The following GUCY1A2 variants were observed in gnomAD, a reference collection of about 807,000 sequenced individuals.
GUCY1A2 encodes guanylate cyclase 1 soluble subunit alpha 2.
Under a neutral mutation model 63.5 loss-of-function variants are expected in GUCY1A2, and 27 were observed. The observed-to-expected ratio is 0.43, with a 90% CI of 0.31 to 0.59. The LOEUF (loss-of-function observed/expected upper bound fraction) is 0.59. GUCY1A2 is among the 20% of genes least tolerant of loss of function. The probability of loss-of-function intolerance (pLI) is 0.11; values close to 1 mark genes in which losing one functional copy is unlikely to be tolerated. For missense variants in GUCY1A2, 768 were observed against 913.3 expected (o/e 0.84, Z 2.05); for synonymous variants, 364 against 343.5 (o/e 1.06, Z -0.66).
At position 106,709,454 on chromosome 11, in the gene GUCY1A2, ATATT is replaced by A. The variant is rs1449790487; in HGVS notation, c.1837-792_1837-789del. ...AAGTATATATAATAATATATATTCT[ATATT>A]TATAGAATAATATATATTATTATAT... is the stretch of plus-strand genomic sequence containing the variant. On this transcript the variant is annotated intron_variant, in intron 6 of 7. Transcript: ENST00000526355. Among the ~76,000 whole-genome samples, 149 of 97,128 alleles carry A rather than the reference ATATT, an allele frequency of 1.5e-3. 2 individuals carry two copies. Among genetic ancestry groups the A allele is most frequent in the African/African-American group, 5.6e-3 (130 of 23,256 alleles). 63.7% of individuals were successfully genotyped at this position (97,128 alleles called of 152,430 possible). A position where few individuals can be genotyped will look rare whatever the true frequency, so the allele number is the denominator to read the frequency against.
chr11:106,830,225 T>C (rs1003554523), intron 4 of GUCY1A2, among the ~76,000 whole-genome samples: 7 of 152,212 alleles, frequency 4.6e-5, no homozygotes, highest in African/African-American at 1.7e-4. Context: ...GGGTTGGGGA[T>C]TGGTGCATTT....
intron 6 of GUCY1A2, among the ~76,000 whole-genome samples, chr11:106,728,786 G>C (rs1453849348): frequency 1.3e-5 from 2 of 152,166 alleles, no homozygotes; most frequent in African/African-American, 4.8e-5. Flanking sequence ...TACACTCTGA[G>C]AGGAGGGACT....
At chr11:106,823,883 T>C (rs748272015) in intron 4 of GUCY1A2, 8 of 323,302 alleles carry the variant, frequency 2.5e-5, no homozygotes, top group Non-Finnish European at 4.5e-5. Flanking sequence ...GAAATGTTTG[T>C]TCATGTCCTT....
chr11:106,885,894 T>C (rs1368096408), intron 4 of GUCY1A2, among the ~76,000 whole-genome samples: 1 of 152,202 alleles, frequency 6.6e-6, no homozygotes, highest in Non-Finnish European at 1.5e-5. Flanking sequence ...TGATTGTACA[T>C]TCCCCCTATT....
At chr11:106,821,462 C>T (rs536184926) in intron 4 of GUCY1A2, among the ~76,000 whole-genome samples, 34 of 152,264 alleles carry the variant, frequency 2.2e-4, no homozygotes, top group Admixed American at 2.0e-4. Context: ...TTAGCCTGAA[C>T]CCCTGGGGTG....
At chr11:106,910,642 A>G (rs1384155846) in intron 4 of GUCY1A2, among the ~76,000 whole-genome samples, 1 of 151,986 alleles carries the variant, frequency 6.6e-6, no homozygotes, top group Non-Finnish European at 1.5e-5. Flanking sequence ...TGACTATAAA[A>G]TGTGAATGGA....
chr11:106,870,843 T>C lies in GUCY1A2; in HGVS notation c.1207-60365A>G, dbSNP rs59418840. ...ATGTATGTGGTTTCGCCTAAAGCCATACATCATATTGCACTCAACCTTAAA... is the reference window on the plus strand; with the variant it reads ...ATGTATGTGGTTTCGCCTAAAGCCACACATCATATTGCACTCAACCTTAAA... On this transcript the variant is annotated intron_variant, in intron 4 of 7. Transcript: ENST00000526355. 8.9e-3 allele frequency among the ~76,000 whole-genome samples: 1,360 copies of C among 152,274 alleles called. 11 individuals are homozygous for C. Among genetic ancestry groups the C allele is most frequent in the African/African-American group, 0.018 (756 of 41,566 alleles).
chr11:106,927,023 C>CAAA (rs201163676), intron 4 of GUCY1A2, among the ~76,000 whole-genome samples: 1 of 145,344 alleles, frequency 6.9e-6, no homozygotes, highest in Non-Finnish European at 1.5e-5. Flanking sequence ...TACTTAAAAA[C>CAAA]AAAAAAAAAA....
intron 4 of GUCY1A2, among the ~76,000 whole-genome samples, chr11:106,816,168 A>T (rs962377028): frequency 5.0e-5 from 1 of 19,830 alleles, no homozygotes; most frequent in East Asian, 7.8e-4. Context: ...CTCTTTCTTT[A>T]AAAAAAAAAA....
chr11:106,847,060 G>A (rs1309102546), intron 4 of GUCY1A2, among the ~76,000 whole-genome samples: 1 of 150,988 alleles, frequency 6.6e-6, no homozygotes, highest in Non-Finnish European at 1.5e-5. Context: ...AGAATAATTT[G>A]CTCAAATTCT....
At chr11:106,843,720 T>C (rs1486564092) in intron 4 of GUCY1A2, among the ~76,000 whole-genome samples, 1 of 151,932 alleles carries the variant, frequency 6.6e-6, no homozygotes, top group Admixed American at 6.6e-5. Context: ...TTACCCAAAG[T>C]TTCTAGCTAG....
chr11:106,913,843 T>C (rs759177107), intron 4 of GUCY1A2, among the ~76,000 whole-genome samples: 1 of 152,058 alleles, frequency 6.6e-6, no homozygotes, highest in Non-Finnish European at 1.5e-5. Context: ...AAATACCTTA[T>C]GCTTGAAGGC....
At chr11:107,006,822 A>C (rs1289505044) in intron 1 of GUCY1A2, among the ~76,000 whole-genome samples, 3 of 152,378 alleles carry the variant, frequency 2.0e-5, no homozygotes, top group African/African-American at 7.2e-5. Flanking sequence ...CTTTGGGATT[A>C]TGAAGGACTG....
In GUCY1A2 at chr11:106,906,181, T is replaced by C. The variant is rs1308690402; in HGVS notation, c.1206+33279A>G. 1.3e-5 allele frequency among the ~76,000 whole-genome samples: 2 copies of C among 152,142 alleles called. 1 individual carries two copies. On this transcript the variant is annotated intron_variant, in intron 4 of 7. Coordinates refer to ENST00000526355, the MANE Select transcript of GUCY1A2 (RefSeq NM_000855.3). The stretch of plus-strand genomic sequence containing the variant: ...AACCTACAGAATGGGAGAAAATTTT[T>C]GCAATCTATCCATCTGACAAAGGGC...
At chr11:106,863,129 A>G (rs1262919333) in intron 4 of GUCY1A2, among the ~76,000 whole-genome samples, 1 of 152,128 alleles carries the variant, frequency 6.6e-6, no homozygotes, top group Non-Finnish European at 1.5e-5. Flanking sequence ...GCTGTGCAGA[A>G]GCTCTTTAGT....
intron 4 of GUCY1A2, among the ~76,000 whole-genome samples, chr11:106,849,660 C>T (rs1859324417): frequency 6.6e-6 from 1 of 151,532 alleles, no homozygotes; most frequent in Non-Finnish European, 1.5e-5. Context: ...ATAAATGTTT[C>T]ATAATGTTCC....
intron 5 of GUCY1A2, among the ~76,000 whole-genome samples, chr11:106,780,285 A>C (rs941170803): frequency 6.6e-6 from 1 of 152,216 alleles, no homozygotes; most frequent in Non-Finnish European, 1.5e-5. Context: ...ACATATTAGG[A>C]AATGAAATTC....
At chr11:106,731,500 A>G (rs1164517081) in intron 6 of GUCY1A2, among the ~76,000 whole-genome samples, 1 of 151,908 alleles carries the variant, frequency 6.6e-6, no homozygotes, top group African/African-American at 2.4e-5. Context: ...CTCTCTCAAC[A>G]CTCCTATTCA....
chr11:106,926,037 G>T (rs1037684132), intron 4 of GUCY1A2, among the ~76,000 whole-genome samples: 2 of 152,160 alleles, frequency 1.3e-5, no homozygotes, highest in Admixed American at 1.3e-4. Flanking sequence ...TAGAGTGTAA[G>T]TATAATGAGT....
Sources: allele counts gnomAD v4.1 joint callset (sites outside exome capture counted in the v4.1 genomes callset), GRCh38; gene constraint gnomAD v4.1.1; transcripts MANE v1.5; gene names NCBI Gene and HGNC (gene_info 2026-07-23, HGNC 2026-07-21).